Variants in DNAH8 observed in about 807,000 individuals in gnomAD.
The protein encoded by DNAH8 is dynein axonemal heavy chain 8.
A neutral mutation model predicts 562.1 loss-of-function variants in DNAH8; 382 were observed. The observed-to-expected ratio is 0.68, with a 90% confidence interval of 0.63 to 0.74. DNAH8 has a LOEUF of 0.74. Among genes scored for constraint, DNAH8 ranks in the 30% least tolerant of loss-of-function variants. The pLI, the probability that DNAH8 is intolerant of heterozygous loss-of-function variation, is 0.00. For missense variants in DNAH8, 5,203 were observed against 5,620.4 expected (o/e 0.93, Z 2.37); for synonymous variants, 1,881 against 1,919.4 (o/e 0.98, Z 0.52).
intron 45 of DNAH8, among the ~76,000 whole-genome samples, chr6:38,864,439 A>C (rs1776886490): frequency 6.6e-6 from 1 of 152,212 alleles, no homozygotes; most frequent in Admixed American, 6.5e-5. Context: ...CACAAGGTTT[A>C]TCTCTCTGTC....
At chr6:39,014,407 A>G (rs1047803272) in intron 91 of DNAH8, among the ~76,000 whole-genome samples, 13 of 152,170 alleles carry the variant, frequency 8.5e-5, no homozygotes, top group African/African-American at 2.4e-4. Flanking sequence ...AAGTAATAGC[A>G]TTTAACTTAA....
Position 38,790,328 on chromosome 6 carries a change from T to C in DNAH8, c.2704T>C (p.Trp902Arg). 2 of 1,608,848 alleles carry C rather than the reference T, an allele frequency of 1.2e-6. No individual in the cohort carries two copies. The highest frequency in any genetic ancestry group is 1.7e-6 in the Non-Finnish European group (2 of 1,178,414). Residue 902 changes from tryptophan to arginine, a missense_variant, in exon 20 of 93, where the codon TGG (tryptophan) becomes CGG (arginine). Physicochemically the swap from Trp to Arg is moderately radical, Grantham distance 101 (BLOSUM62 -3). Around this residue, in one of 6 missense-constraint regions of DNAH8, gnomAD observed 2,176 missense variants for 2,365.1 expected, o/e 0.92. Coordinates refer to ENST00000327475, the MANE Select transcript of DNAH8 (RefSeq NM_001206927.2). ...GAGGCAAGGACTCACAGTGTTAACA[T>C]GGTCGTCTTTAACACTGGAAAGCTT... The part of the protein sequence containing the change: ...VLRQGLTVLT[W>R]SSLTLESFFQ...
At chr6:38,791,743 G>T in intron 21 of DNAH8, 69 bp downstream of exon 21, 1 of 1,527,884 alleles carries the variant, frequency 6.5e-7, no homozygotes, top group Non-Finnish European at 8.8e-7. Context: ...TGAAATTTCA[G>T]TCTAAAAGTA....
At chr6:38,749,059 G>A (rs1377275534) in intron 8 of DNAH8, among the ~76,000 whole-genome samples, 2 of 151,986 alleles carry the variant, frequency 1.3e-5, no homozygotes, top group Admixed American at 1.3e-4. Flanking sequence ...GTGATGTTGT[G>A]TGTGTCCCAA....
chr6:38,968,806 A>G (rs368068561), intron 82 of DNAH8, among the ~76,000 whole-genome samples: 110 of 152,322 alleles, frequency 7.2e-4, no homozygotes, highest in African/African-American at 2.5e-3. Context: ...AAAACTGAAA[A>G]TATACATCCA....
intron 69 of DNAH8, 57 bp downstream of exon 69, chr6:38,917,463 G>C: frequency 6.9e-7 from 1 of 1,444,736 alleles, no homozygotes; most frequent in Non-Finnish European, 9.6e-7. Context: ...CCTCAGCCCA[G>C]GACACTCAAT....
chr6:38,899,772 A>G lies in DNAH8; in HGVS notation c.9064-4A>G. ...AAATAAGCACGTTTTAAATCTCAAA[A>G]CAGATTTCACGAATAATTCGAACGT... is the stretch of plus-strand genomic sequence containing the variant. On this transcript the variant is annotated splice_polypyrimidine_tract_variant and splice_region_variant and intron_variant, in intron 61 of 92. Coordinates refer to ENST00000327475, the MANE Select transcript of DNAH8 (RefSeq NM_001206927.2). 1 of 1,613,556 alleles carries G rather than the reference A, an allele frequency of 6.2e-7. No homozygotes were observed.
chr6:38,932,640 TAAAG>T (rs1312733885), intron 76 of DNAH8, among the ~76,000 whole-genome samples: 1 of 152,170 alleles, frequency 6.6e-6, no homozygotes, highest in Non-Finnish European at 1.5e-5. Context: ...TAAAATATGA[TAAAG>T]TAATTAATTT....
chr6:38,722,436 G>T (rs1482999842), intron 1 of DNAH8, among the ~76,000 whole-genome samples: 2 of 150,972 alleles, frequency 1.3e-5, no homozygotes, highest in African/African-American at 2.4e-5. Flanking sequence ...TTTTTTTTTA[G>T]CCCTAAGGCA....
chr6:39,023,539 A>G (rs184607274), intron 91 of DNAH8, among the ~76,000 whole-genome samples: 1 of 152,324 alleles, frequency 6.6e-6, no homozygotes, highest in East Asian at 1.9e-4. Context: ...AAATTGTGCC[A>G]AAACAAAAGT....
Position 38,958,431 on chromosome 6 carries a change from A to G in DNAH8, c.12451+6911A>G, listed in dbSNP as rs1762400666. ...TATGACTGGAAAAAAAAAAAAACAGAGATGAAAAAGGAGACATCATAACTG... is the reference window on the plus strand; with the variant it reads ...TATGACTGGAAAAAAAAAAAAACAGGGATGAAAAAGGAGACATCATAACTG... On this transcript the variant is annotated intron_variant, in intron 82 of 92. Coordinates refer to ENST00000327475, the MANE Select transcript of DNAH8 (RefSeq NM_001206927.2). Among the ~76,000 whole-genome samples the G allele has an allele frequency of 4.0e-5, 6 of 148,484 alleles. 1 individual carries two copies. The South Asian group carries it at 1.3e-3, about 32-fold the overall frequency.
chr6:38,967,246 G>A (rs1264584081), intron 82 of DNAH8, among the ~76,000 whole-genome samples: 2 of 151,746 alleles, frequency 1.3e-5, no homozygotes, highest in Non-Finnish European at 2.9e-5. Context: ...CTACTCTTAC[G>A]ACTTTTATTC....
At chr6:38,972,407 C>T (rs551792320) in intron 83 of DNAH8, among the ~76,000 whole-genome samples, 1 of 152,054 alleles carries the variant, frequency 6.6e-6, no homozygotes, top group South Asian at 2.1e-4. Flanking sequence ...CATTAATTCT[C>T]AAATGCCCTA....
intron 82 of DNAH8, among the ~76,000 whole-genome samples, chr6:38,966,244 G>C (rs748097843): frequency 1.3e-5 from 2 of 152,100 alleles, no homozygotes; most frequent in Non-Finnish European, 2.9e-5. Flanking sequence ...AGATAACCTA[G>C]ATGAAATGGA....
Position 38,924,061 on chromosome 6 carries a change from A to G in DNAH8, c.10861A>G (p.Asn3621Asp), listed in dbSNP as rs775040873. Residue 3621 changes from asparagine (N) to aspartate (D), a missense_variant, in exon 73 of 93, where the codon AAC (asparagine) becomes GAC (aspartate). This residue lies in a region of DNAH8 where 1,399 missense variants were observed against 1,518.4 expected (regional missense o/e 0.92). Transcript: ENST00000327475. Reference sequence around the variant, plus strand: ...TGGTCCTTTCAATCAGATATTTAGGAACTATTTGCTTAAAGATCAATGGGA... The same window carrying G: ...TGGTCCTTTCAATCAGATATTTAGGGACTATTTGCTTAAAGATCAATGGGA... Reference protein sequence around the residue: ...YLGPFNQIFRNYLLKDQWEME... With the variant: ...YLGPFNQIFRDYLLKDQWEME... 6.2e-7 allele frequency: 1 copy of G among 1,613,932 alleles called. No homozygotes were observed. Among genetic ancestry groups the G allele is most frequent in the Non-Finnish European group, 8.5e-7 (1 of 1,179,884 alleles).
intron 8 of DNAH8, chr6:38,744,159 G>T (rs1269739118): frequency 6.6e-6 from 1 of 152,098 alleles, no homozygotes; most frequent in Non-Finnish European, 1.5e-5. Flanking sequence ...TTGAACTCAA[G>T]AATTTTGAGC....
chr6:38,754,196 A>G (rs1765714068), intron 9 of DNAH8, among the ~76,000 whole-genome samples: 1 of 152,128 alleles, frequency 6.6e-6, no homozygotes, highest in Non-Finnish European at 1.5e-5. Context: ...AGAACAGTGC[A>G]CTCAAGGAGC....
Position 39,008,935 on chromosome 6 carries a change from C to A in DNAH8, c.13336C>A (p.Leu4446Met). The A allele has an allele frequency of 6.2e-7, 1 of 1,611,228 alleles. No individual in the cohort carries two copies. Among genetic ancestry groups the A allele is most frequent in the Middle Eastern group, 1.7e-4 (1 of 6,052 alleles). The change falls in exon 89 of 93, where the codon CTG becomes ATG. Residue 4446 changes from leucine to methionine, a missense_variant. Physicochemically the swap from Leu to Met is conservative, Grantham distance 15 (BLOSUM62 2). Coordinates refer to ENST00000327475, the MANE Select transcript of DNAH8 (RefSeq NM_001206927.2). ...AIVYRLSEDMLSKLPPDYIPH... is the reference protein window; with the variant it reads ...AIVYRLSEDMMSKLPPDYIPH... ...TGTTTATAGATTATCTGAAGATATG[C>A]TGAGTAAACTCCCTCCTGATTACAT...
At chr6:38,848,235 T>C (rs970734057) in intron 36 of DNAH8, among the ~76,000 whole-genome samples, 2 of 152,172 alleles carry the variant, frequency 1.3e-5, no homozygotes, top group Non-Finnish European at 2.9e-5. Flanking sequence ...TTTTCCTAGA[T>C]TCAGTAGTTC....
Sources: gnomAD v4.1 joint callset for allele counts (sites outside exome capture counted in the v4.1 genomes callset) on GRCh38, gnomAD v4.1.1 for gene constraint, gnomAD v4.1.1 regional missense constraint, MANE v1.5 for transcripts, NCBI Gene and HGNC (gene_info 2026-07-23, HGNC 2026-07-21) for gene names.